COLEC12: variants seen among roughly 807,000 people sequenced by gnomAD.
The protein encoded by COLEC12 is collectin subfamily member 12.
Under a neutral mutation model 71.1 loss-of-function variants are expected in COLEC12, and 33 were observed. The observed-to-expected ratio is 0.46, with a 90% CI of 0.35 to 0.62. The LOEUF is 0.62. COLEC12 is among the 20% of genes least tolerant of loss of function. The pLI is 0.00. For missense variants in COLEC12, 765 were observed against 916.1 expected (o/e 0.84, Z 2.13); for synonymous variants, 350 against 353.0 (o/e 0.99, Z 0.10).
chr18:464,923 A>G (rs974746975), intron 2 of COLEC12, among the ~76,000 whole-genome samples: 3 of 152,212 alleles, frequency 2.0e-5, no homozygotes, highest in African/African-American at 7.2e-5. Context: ...GCTGGGGGTG[A>G]CACACTCTTG....
chr18:368,173 T>C (rs1225335935), intron 2 of COLEC12, among the ~76,000 whole-genome samples: 1 of 152,212 alleles, frequency 6.6e-6, no homozygotes, highest in Non-Finnish European at 1.5e-5. Flanking sequence ...ATTTAGAAAA[T>C]TGTTTAAAAC....
intron 2 of COLEC12, among the ~76,000 whole-genome samples, chr18:449,249 G>A (rs954513317): frequency 6.6e-6 from 1 of 152,124 alleles, no homozygotes; most frequent in Non-Finnish European, 1.5e-5. Context: ...TAGTAAGTGT[G>A]TATGATTTCA....
At position 368,610 on chromosome 18, in the gene COLEC12, A is replaced by G. The variant is rs570964399; in HGVS notation, c.59-11088T>C. 2.9e-3 allele frequency among the ~76,000 whole-genome samples: 444 copies of G among 151,818 alleles called. 2 individuals carry two copies. The highest frequency in any genetic ancestry group is 6.8e-3 in the Middle Eastern group (2 of 294). On this transcript the variant is annotated intron_variant, in intron 2 of 9. Coordinates refer to ENST00000400256, the MANE Select transcript of COLEC12 (RefSeq NM_130386.3). ...CCGGGCGCGGTGGCTCAGGCCTGTA[A>G]TCCCAGAACTTTGGGAGGCCAAGGT...
chr18:426,617 CATTA>C (rs1165658867), intron 2 of COLEC12, among the ~76,000 whole-genome samples: 4 of 152,174 alleles, frequency 2.6e-5, no homozygotes, highest in African/African-American at 4.8e-5. Flanking sequence ...TTGATTCCCT[CATTA>C]ATTAATCAGT....
Position 420,311 on chromosome 18 carries a change from C to T in COLEC12, c.58+60396G>A, listed in dbSNP as rs867463270. On this transcript the variant is annotated intron_variant, in intron 2 of 9. Transcript: ENST00000400256. ...GTATCACTAAAATGAAATTTCAGCC[C>T]CAACATTGCTCCAGTCTCAGAACAG... is the stretch of plus-strand genomic sequence containing the variant. Among the ~76,000 whole-genome samples, 4 of 152,032 alleles carry T rather than the reference C, an allele frequency of 2.6e-5. No homozygotes were observed. In the South Asian group the frequency reaches 8.3e-4, roughly 32 times the overall value.
At chr18:423,747 TG>T (rs1352856357) in intron 2 of COLEC12, 1 of 151,036 alleles carries the variant, frequency 6.6e-6, no homozygotes, top group Non-Finnish European at 1.5e-5. Flanking sequence ...GTTTTTTGTT[TG>T]TTTTTTTTTG....
At chr18:383,901 A>C (rs933909148) in intron 2 of COLEC12, among the ~76,000 whole-genome samples, 2 of 152,196 alleles carry the variant, frequency 1.3e-5, no homozygotes, top group African/African-American at 4.8e-5. Context: ...CACATCTTAC[A>C]TGGTGGCAGG....
chr18:361,387 A>T (rs114738979), intron 2 of COLEC12, among the ~76,000 whole-genome samples: 1 of 152,262 alleles, frequency 6.6e-6, no homozygotes, highest in African/African-American at 2.4e-5. Context: ...CCCTAGTGTG[A>T]GATCTTTTCA....
intron 2 of COLEC12, among the ~76,000 whole-genome samples, chr18:433,755 G>A (rs1160797942): frequency 6.6e-6 from 1 of 152,124 alleles, no homozygotes; most frequent in Non-Finnish European, 1.5e-5. Context: ...GGTGGACTCA[G>A]GAGTTCGAGA....
chr18:393,169 A>C (rs1915498400), intron 2 of COLEC12, among the ~76,000 whole-genome samples: 1 of 152,242 alleles, frequency 6.6e-6, no homozygotes, highest in African/African-American at 2.4e-5. Flanking sequence ...GCAAGATGCC[A>C]TTGGCTCGCA....
At chr18:493,780 C>T (rs7239416) in intron 1 of COLEC12, among the ~76,000 whole-genome samples, 126,249 of 152,222 alleles carry the variant, frequency 0.83, 53,043 homozygotes, top group East Asian at 1. Flanking sequence ...TAATGGAAAA[C>T]TAATACTACT....
chr18:414,908 CTG>C (rs1915958816), intron 2 of COLEC12, among the ~76,000 whole-genome samples: 1 of 152,200 alleles, frequency 6.6e-6, no homozygotes, highest in Non-Finnish European at 1.5e-5. Context: ...CCTTTTAAAA[CTG>C]TGCAATCACC....
chr18:484,595 C>T (rs796670666), intron 1 of COLEC12, among the ~76,000 whole-genome samples: 3 of 151,778 alleles, frequency 2.0e-5, no homozygotes, highest in African/African-American at 7.3e-5. Flanking sequence ...TTTTTGGGGG[C>T]GAGGATAGAG....
At chr18:492,998 T>C (rs11081155) in intron 1 of COLEC12, among the ~76,000 whole-genome samples, 33,437 of 151,584 alleles carry the variant, frequency 0.22, 4,293 homozygotes, top group East Asian at 0.37. Context: ...AGGCTAGGAG[T>C]TTGAGACGAG....
chr18:465,735 T>C (rs1231329705), intron 2 of COLEC12, among the ~76,000 whole-genome samples: 1 of 152,202 alleles, frequency 6.6e-6, no homozygotes, highest in Non-Finnish European at 1.5e-5. Flanking sequence ...GCAAGGGTAC[T>C]ATTTTGAAGC....
intron 2 of COLEC12, among the ~76,000 whole-genome samples, chr18:395,656 T>C (rs554441232): frequency 7.2e-5 from 11 of 152,262 alleles, no homozygotes; most frequent in African/African-American, 2.6e-4. Context: ...AGCCGACAAA[T>C]TGGAACCAGA....
chr18:405,671 G>T (rs1281135953), intron 2 of COLEC12, among the ~76,000 whole-genome samples: 2 of 152,138 alleles, frequency 1.3e-5, no homozygotes, highest in African/African-American at 4.8e-5. Flanking sequence ...ATCCATTCAT[G>T]GCCATATGGC....
chr18:321,052 C>G (rs4798066), intron 9 of COLEC12, among the ~76,000 whole-genome samples: 21,046 of 152,108 alleles, frequency 0.14, 1,793 homozygotes, highest in East Asian at 0.26. Flanking sequence ...AACATTGGTG[C>G]TATATCTCTT....
At chr18:429,390 T>C (rs1598360379) in intron 2 of COLEC12, among the ~76,000 whole-genome samples, 1 of 99,686 alleles carries the variant, frequency 1.0e-5, no homozygotes, top group African/African-American at 3.4e-5. Context: ...TTTTCTTTCT[T>C]TTTTTTTTTA....
Sources: allele counts gnomAD v4.1 joint callset (sites outside exome capture counted in the v4.1 genomes callset), GRCh38; gene constraint gnomAD v4.1.1; transcripts MANE v1.5; gene names NCBI Gene and HGNC (gene_info 2026-07-23, HGNC 2026-07-21).